The following ZNF503 variants were observed in gnomAD, a reference collection of about 807,000 sequenced individuals.
ZNF503 encodes NocA-like zinc finger 2.
In ZNF503, 15 loss-of-function variants were observed where a neutral mutation model predicts 34.4. That is an observed-to-expected ratio of 0.44 (90% confidence interval 0.29 to 0.67). The LOEUF (loss-of-function observed/expected upper bound fraction) is 0.67. Ranked by LOEUF, ZNF503 falls within the 30% of genes least tolerant of loss-of-function variation. ZNF503 has a pLI of 0.13. For synonymous variants in ZNF503, 580 were observed against 456.8 expected, an observed-to-expected ratio of 1.27 and a Z score of -3.44; for missense variants, 1,007 against 926.8, an observed-to-expected ratio of 1.09 and a Z score of -1.12.
At chr10:75,284,421 TACTGGGTTGGGGGAAGGGG>T in the ZNF503 span, among the ~76,000 whole-genome samples, 1 of 139,148 alleles carries the variant, frequency 7.2e-6, no homozygotes, top group Non-Finnish European at 1.6e-5. Flanking sequence ...TGGGGAAGGG[TACTGGGTTGGGGGAAGGGG>T]ACTGGAGGGC....
At chr10:75,371,924 G>GT in the ZNF503 span, among the ~76,000 whole-genome samples, 92 of 152,214 alleles carry the variant, frequency 6.0e-4, 1 homozygote, top group Non-Finnish European at 1.1e-3. Context: ...TAAAAAGAGG[G>GT]TTTTTTGTTA....
rs749013315 is a variant in ZNF503, at chr10:75,399,692, C to G, written c.998G>C (p.Gly333Ala). Residue 333 changes from glycine to alanine, a missense_variant, in exon 2 of 2, where the codon GGC becomes GCC. Transcript: ENST00000372524. The part of the protein sequence containing the change: ...PSAPTSSSVL[G>A]SGLVAPVSPY... The stretch of plus-strand genomic sequence containing the variant: ...TGACACGGGAGCCACCAGCCCAGAG[C>G]CCAACACTGAGGAGGAGGTGGGCGC... 4 of 1,600,188 alleles carry G rather than the reference C, an allele frequency of 2.5e-6. No homozygotes were observed. The South Asian group carries it at 3.3e-5, about 13-fold the overall frequency.
At chr10:75,307,118 C>G in the ZNF503 span, among the ~76,000 whole-genome samples, 1 of 152,172 alleles carries the variant, frequency 6.6e-6, no homozygotes, top group Non-Finnish European at 1.5e-5. Context: ...AATGATTTAG[C>G]TTAGTGAGGA....
chr10:75,285,633 G>A, the ZNF503 span, among the ~76,000 whole-genome samples: 86 of 152,342 alleles, frequency 5.6e-4, no homozygotes, highest in African/African-American at 1.9e-3. Flanking sequence ...ACATCATGTT[G>A]AAAGCCGGAC....
At chr10:75,392,207 T>C in the ZNF503 span, among the ~76,000 whole-genome samples, 1 of 152,184 alleles carries the variant, frequency 6.6e-6, no homozygotes, top group Non-Finnish European at 1.5e-5. Context: ...CATGCTACTT[T>C]TTAATATTAT....
chr10:75,350,267 A>G, the ZNF503 span: 1 of 152,348 alleles, frequency 6.6e-6, no homozygotes, highest in African/African-American at 2.4e-5. Context: ...AGTGTAAAAA[A>G]TTAAACATTG....
the ZNF503 span, among the ~76,000 whole-genome samples, chr10:75,343,708 C>T: frequency 1.1e-4 from 17 of 152,316 alleles, no homozygotes; most frequent in South Asian, 6.2e-4. Flanking sequence ...TGGATTTCTG[C>T]GGCCCTAGCT....
chr10:75,398,510 ATAT>A lies in ZNF503; in HGVS notation c.*236_*238del, dbSNP rs1218458777. On this transcript the variant is annotated 3_prime_UTR_variant, in exon 2 of 2. Transcript: ENST00000372524. Reference sequence around the variant, plus strand: ...TTTTTTTTCTATAAAAAGTCAAATGATATTTTTTCAACTTTTATAAAGTTTGGG... The same window carrying A: ...TTTTTTTTCTATAAAAAGTCAAATGATTTTTCAACTTTTATAAAGTTTGGG... 1.3e-5 allele frequency: 5 copies of A among 391,590 alleles called. No homozygotes were observed. The highest frequency in any genetic ancestry group is 8.3e-5 in the African/African-American group (4 of 48,276). The allele number at this position is 391,590 out of a possible 1,614,324, so 24.3% of individuals were successfully genotyped here. A position where few individuals can be genotyped will look rare whatever the true frequency, so the allele number is the denominator to read the frequency against.
chr10:75,294,444 T>C, the ZNF503 span, among the ~76,000 whole-genome samples: 1 of 152,200 alleles, frequency 6.6e-6, no homozygotes, highest in African/African-American at 2.4e-5. Flanking sequence ...CGATCCTAGT[T>C]CCACATGAGG....
At position 75,399,571 on chromosome 10, in the gene ZNF503, C is replaced by T. The variant is rs1266196299; in HGVS notation, c.1119G>A (p.Gln373=). Reference sequence around the variant, plus strand: ...CAAGTGCCACGCCGTGTGGCAGGAACTGGGGCGGGTAGCCGGCGTAGGCCC... The same window carrying T: ...CAAGTGCCACGCCGTGTGGCAGGAATTGGGGCGGGTAGCCGGCGTAGGCCC... ...LAGAYAGYPP[Q]FLPHGVALDP... Residue 373 remains glutamine, a synonymous_variant, in exon 2 of 2, where the codon CAG becomes CAA. Coordinates refer to ENST00000372524, the MANE Select transcript of ZNF503 (RefSeq NM_032772.6). The T allele has an allele frequency of 6.3e-7, 1 of 1,596,358 alleles. No homozygotes were observed. The highest frequency in any genetic ancestry group is 1.1e-5 in the South Asian group (1 of 90,824).
chr10:75,350,960 AT>A, the ZNF503 span, among the ~76,000 whole-genome samples: 6,929 of 152,224 alleles, frequency 0.046, 421 homozygotes, highest in African/African-American at 0.14. Context: ...GGGCTACTTC[AT>A]TTCTTTGAGC....
the ZNF503 span, among the ~76,000 whole-genome samples, chr10:75,344,723 T>C: frequency 2.6e-5 from 4 of 152,366 alleles, no homozygotes; most frequent in African/African-American, 9.6e-5. Flanking sequence ...CTGGGTATTC[T>C]GTTACCTGTA....
At chr10:75,315,381 T>C in the ZNF503 span, among the ~76,000 whole-genome samples, 1 of 152,054 alleles carries the variant, frequency 6.6e-6, no homozygotes, top group Non-Finnish European at 1.5e-5. Flanking sequence ...GAAAACAAGC[T>C]ATAGCTTTAA....
At chr10:75,291,101 A>G in the ZNF503 span, among the ~76,000 whole-genome samples, 2 of 152,174 alleles carry the variant, frequency 1.3e-5, no homozygotes, top group Non-Finnish European at 2.9e-5. Context: ...GGGGTTTCAC[A>G]GCCATTTCAT....
chr10:75,399,415 A>G lies in ZNF503; in HGVS notation c.1275T>C (p.Ser425=). The G allele has an allele frequency of 1.2e-6, 2 of 1,603,970 alleles. No homozygotes were observed. The highest frequency in any genetic ancestry group is 8.5e-7 in the Non-Finnish European group (1 of 1,178,326). The part of the protein sequence containing the change: ...GASPPSVMTA[S]LCRDPYCLSY... ...TGAGGCAGTAAGGGTCCCGGCACAA[A>G]CTGGCTGTCATCACGGACGGCGGAG... The change falls in exon 2 of 2, where the codon AGT becomes AGC. Residue 425 remains serine (S), a synonymous_variant. Coordinates refer to ENST00000372524, the MANE Select transcript of ZNF503 (RefSeq NM_032772.6).
the ZNF503 span, among the ~76,000 whole-genome samples, chr10:75,297,458 C>G: frequency 9.2e-5 from 14 of 152,196 alleles, no homozygotes; most frequent in Non-Finnish European, 1.6e-4. Context: ...ATCCCCTGCC[C>G]TTCTGGAGGT....
rs1843742667 is a variant in ZNF503 at position 75,399,022 on chromosome 10, G to A, written c.1668C>T (p.Pro556=). 2 of 1,610,630 alleles carry A rather than the reference G, an allele frequency of 1.2e-6. No homozygotes were observed. The highest frequency in any genetic ancestry group is 2.2e-5 in the East Asian group (1 of 44,850). ...CAGCGCTGGCCAGAGACGACGAGCT[G>A]GGGTAGCCCGACAGCAGTTTGTCTG... ...PGTDKLLSGY[P]SSSSLASAAA... is the part of the protein sequence containing the mutation. Residue 556 remains proline (P), a synonymous_variant, in exon 2 of 2, where the codon CCC becomes CCT. Coordinates refer to ENST00000372524, the MANE Select transcript of ZNF503 (RefSeq NM_032772.6).
the ZNF503 span, among the ~76,000 whole-genome samples, chr10:75,370,693 C>T: frequency 6.9e-6 from 1 of 145,518 alleles, no homozygotes; most frequent in Non-Finnish European, 1.5e-5. Context: ...GCAGGAGAAT[C>T]GCTTGAACCT....
the ZNF503 span, among the ~76,000 whole-genome samples, chr10:75,378,847 G>C: frequency 6.6e-6 from 1 of 152,078 alleles, no homozygotes; most frequent in Admixed American, 6.6e-5. Context: ...AGCAGATTTT[G>C]GGGGCAATTT....
Sources: gnomAD v4.1 joint callset for allele counts (sites outside exome capture counted in the v4.1 genomes callset) on GRCh38, gnomAD v4.1.1 for gene constraint, MANE v1.5 for transcripts, NCBI Gene and HGNC (gene_info 2026-07-23, HGNC 2026-07-21) for gene names.